ROR1: variants seen among roughly 807,000 people sequenced by gnomAD.
ROR1 encodes the protein inactive tyrosine-protein kinase transmembrane receptor ROR1.
Under a neutral mutation model 78.8 loss-of-function variants are expected in ROR1, and 19 were observed. The observed-to-expected ratio is 0.24, with a 90% confidence interval of 0.17 to 0.35. ROR1 has a LOEUF of 0.35. ROR1 is among the 10% of genes least tolerant of loss of function. The pLI is 1.00. For missense variants in ROR1, 917 were observed against 1,177.8 expected (o/e 0.78, Z 3.24); for synonymous variants, 386 against 433.6 (o/e 0.89, Z 1.36).
At chr1:63,820,336 G>C (rs1050321851) in intron 1 of ROR1, among the ~76,000 whole-genome samples, 1 of 152,136 alleles carries the variant, frequency 6.6e-6, no homozygotes, top group African/African-American at 2.4e-5. Flanking sequence ...CTACCCCCCT[G>C]TACTGCTGCA....
chr1:64,149,443 A>G (rs1425461380), intron 7 of ROR1, among the ~76,000 whole-genome samples: 2 of 152,036 alleles, frequency 1.3e-5, no homozygotes, highest in African/African-American at 2.4e-5. Context: ...GATGCTGCCC[A>G]TTGATATTCT....
At chr1:63,799,131 A>C (rs1205160881) in intron 1 of ROR1, among the ~76,000 whole-genome samples, 1 of 152,172 alleles carries the variant, frequency 6.6e-6, no homozygotes, top group Non-Finnish European at 1.5e-5. Flanking sequence ...TCTACCTTAA[A>C]AGGCTGCTAG....
intron 1 of ROR1, among the ~76,000 whole-genome samples, chr1:63,786,678 C>T (rs1644690583): frequency 6.6e-6 from 1 of 151,406 alleles, no homozygotes; most frequent in Admixed American, 6.6e-5. Context: ...ATAATCCTCC[C>T]ACATCTTTCC....
intron 4 of ROR1, chr1:64,110,611 A>G (rs1648053551): frequency 6.6e-6 from 1 of 152,066 alleles, no homozygotes; most frequent in African/African-American, 2.4e-5. Context: ...AGTACTCAAT[A>G]TATCACAAGG....
chr1:64,109,678 C>A (rs948109252), intron 4 of ROR1, among the ~76,000 whole-genome samples: 4 of 152,152 alleles, frequency 2.6e-5, no homozygotes, highest in Admixed American at 6.5e-5. Flanking sequence ...CAGACACACA[C>A]CAGCATGCCC....
chr1:63,942,917 C>G (rs2100459238), intron 1 of ROR1, among the ~76,000 whole-genome samples: 1 of 152,024 alleles, frequency 6.6e-6, no homozygotes, highest in South Asian at 2.1e-4. Context: ...CAGTGAGACT[C>G]TATCTCTACA....
chr1:63,876,559 T>A (rs1418539194), intron 1 of ROR1, among the ~76,000 whole-genome samples: 1 of 152,014 alleles, frequency 6.6e-6, no homozygotes, highest in Non-Finnish European at 1.5e-5. Flanking sequence ...GGTCTGAATG[T>A]TAGCCCAGAT....
chr1:64,124,247 A>G (rs1648638858), intron 4 of ROR1, among the ~76,000 whole-genome samples: 1 of 152,204 alleles, frequency 6.6e-6, no homozygotes, highest in South Asian at 2.1e-4. Flanking sequence ...AAAAGGGTGG[A>G]ATGAGAATGC....
rs113030432 is a variant in ROR1, at chr1:64,165,163, A to C, written c.1386+5971A>C. 5.4e-3 allele frequency among the ~76,000 whole-genome samples: 826 copies of C among 151,986 alleles called. 10 individuals are homozygous for C. Among genetic ancestry groups the C allele is most frequent in the African/African-American group, 0.018 (731 of 41,520 alleles). ...TCAAATGCTATTTCTGTCTTTAGAT[A>C]TTTTAGGTTTCCACAATGGCTGAAC... On this transcript the variant is annotated intron_variant, in intron 8 of 8. Transcript: ENST00000371079.
At chr1:64,093,784 C>T (rs890064147) in intron 4 of ROR1, among the ~76,000 whole-genome samples, 1 of 152,120 alleles carries the variant, frequency 6.6e-6, no homozygotes, top group African/African-American at 2.4e-5. Context: ...CTGGTTTAAT[C>T]TTCCTCTCCA....
intron 3 of ROR1, among the ~76,000 whole-genome samples, chr1:64,050,303 G>A (rs556332494): frequency 5.3e-5 from 8 of 152,234 alleles, no homozygotes; most frequent in East Asian, 3.9e-4. Context: ...GGAAATGTTC[G>A]CAGCGTGCAT....
intron 1 of ROR1, among the ~76,000 whole-genome samples, chr1:63,851,201 A>C (rs895254195): frequency 7.9e-5 from 12 of 152,114 alleles, no homozygotes; most frequent in African/African-American, 2.9e-4. Context: ...GATGGTCTCA[A>C]TTTCTTGACC....
intron 4 of ROR1, among the ~76,000 whole-genome samples, chr1:64,096,981 A>G (rs1011900243): frequency 1.3e-5 from 2 of 152,060 alleles, no homozygotes; most frequent in Non-Finnish European, 2.9e-5. Context: ...AAGGATTCTG[A>G]CAATGTAAAC....
rs1646503671 is a variant in ROR1, at chr1:64,014,726, TACAC to T, written c.163+5352_163+5355del. ...TGTGCTGACAGACTATATATATATA[TACAC>T]ATACGCACACTATATATATATATAT... On this transcript the variant is annotated intron_variant, in intron 2 of 8. Coordinates refer to ENST00000371079, the MANE Select transcript of ROR1 (RefSeq NM_005012.4). Among the ~76,000 whole-genome samples, 32 of 38,360 alleles carry T rather than the reference TACAC, an allele frequency of 8.3e-4. 6 individuals are homozygous for T. In the Admixed American group the frequency reaches 8.6e-3, roughly 10 times the overall value. 25.2% of individuals were successfully genotyped at this position (38,360 alleles called of 152,430 possible).
intron 1 of ROR1, among the ~76,000 whole-genome samples, chr1:63,951,119 C>T (rs1468638512): frequency 6.6e-6 from 1 of 152,142 alleles, no homozygotes; most frequent in Non-Finnish European, 1.5e-5. Context: ...GTAAGTGGTT[C>T]CTTGTCTGTG....
intron 2 of ROR1, among the ~76,000 whole-genome samples, chr1:64,042,888 C>T (rs1403660739): frequency 6.6e-6 from 1 of 152,318 alleles, no homozygotes; most frequent in Middle Eastern, 3.4e-3. Flanking sequence ...AAGTCAAATG[C>T]GATGACCTAA....
intron 1 of ROR1, among the ~76,000 whole-genome samples, chr1:63,795,119 G>T (rs1402462240): frequency 6.6e-6 from 1 of 152,126 alleles, no homozygotes; most frequent in Non-Finnish European, 1.5e-5. Context: ...GTTCAGGAAG[G>T]TTCTGGTGGG....
chr1:64,158,226 A>T (rs1307286466), intron 7 of ROR1, among the ~76,000 whole-genome samples: 2 of 152,246 alleles, frequency 1.3e-5, no homozygotes, highest in Admixed American at 6.5e-5. Flanking sequence ...ACTCATAATT[A>T]TTGGGCTCAT....
chr1:64,149,753 A>C (rs1270050670), intron 7 of ROR1, among the ~76,000 whole-genome samples: 1 of 152,198 alleles, frequency 6.6e-6, no homozygotes, highest in Admixed American at 6.5e-5. Flanking sequence ...GGTTGGGTGT[A>C]AACTAAATTG....
Sources: gnomAD v4.1 joint callset for allele counts (sites outside exome capture counted in the v4.1 genomes callset) on GRCh38, gnomAD v4.1.1 for gene constraint, MANE v1.5 for transcripts, NCBI Gene and HGNC (gene_info 2026-07-23, HGNC 2026-07-21) for gene names.